IPO11: variants seen among roughly 807,000 people sequenced by gnomAD.
IPO11 encodes the protein importin 11.
Under a neutral mutation model 143.2 loss-of-function variants are expected in IPO11, and 66 were observed. That is an observed-to-expected ratio of 0.46 (90% CI 0.38 to 0.57). The LOEUF is 0.57. Ranked by LOEUF, IPO11 falls within the 20% of genes least tolerant of loss-of-function variation. The pLI, the probability that IPO11 is intolerant of heterozygous loss-of-function variation, is 0.00. For missense variants in IPO11, 1,026 were observed against 1,141.0 expected, an observed-to-expected ratio of 0.90 and a Z score of 1.45; for synonymous variants, 385 against 377.8, an observed-to-expected ratio of 1.02 and a Z score of -0.22.
intron 1 of IPO11, chr5:62,422,656 C>G (rs971165409): frequency 6.6e-6 from 1 of 152,164 alleles, no homozygotes; most frequent in African/African-American, 2.4e-5. Context: ...ATATACCAAA[C>G]AGGCAAGAGA....
intron 24 of IPO11, among the ~76,000 whole-genome samples, 184 bp downstream of exon 24, chr5:62,537,473 C>T (rs1162687110): frequency 6.6e-6 from 1 of 152,232 alleles, no homozygotes; most frequent in African/African-American, 2.4e-5. Flanking sequence ...AAGGTGCATA[C>T]ACCTTCAACA....
intron 27 of IPO11, among the ~76,000 whole-genome samples, chr5:62,573,595 T>TGG (rs1452864358): frequency 6.6e-6 from 1 of 152,230 alleles, no homozygotes; most frequent in Non-Finnish European, 1.5e-5. Context: ...GATGCTTCTT[T>TGG]GGCGGGTCAA....
chr5:62,425,513 T>C (rs1178863847), intron 1 of IPO11, among the ~76,000 whole-genome samples: 28 of 152,182 alleles, frequency 1.8e-4, no homozygotes, highest in African/African-American at 6.5e-4. Flanking sequence ...AGACAGGGTT[T>C]CACCATGTTG....
chr5:62,581,369 C>G, intron 27 of IPO11: 1 of 1,205,146 alleles, frequency 8.3e-7, no homozygotes, highest in Middle Eastern at 2.4e-4. Context: ...ACTGAAACCT[C>G]CTTATATAAT....
At chr5:62,608,810 T>C (rs564536321) in intron 29 of IPO11, among the ~76,000 whole-genome samples, 1 of 152,346 alleles carries the variant, frequency 6.6e-6, no homozygotes, top group South Asian at 2.1e-4. Flanking sequence ...ACTCTGGTAT[T>C]GTACATTCTA....
intron 26 of IPO11, among the ~76,000 whole-genome samples, chr5:62,558,278 A>G (rs1202638810): frequency 6.6e-6 from 1 of 152,226 alleles, no homozygotes; most frequent in Non-Finnish European, 1.5e-5. Context: ...AGTACAGTGA[A>G]GAAATTTTTA....
At chr5:62,480,086 G>C (rs945520091) in intron 9 of IPO11, among the ~76,000 whole-genome samples, 5 of 152,162 alleles carry the variant, frequency 3.3e-5, no homozygotes, top group Non-Finnish European at 5.9e-5. Context: ...TAACATTTAA[G>C]TCTTTAATCC....
chr5:62,466,899 A>G (rs1268848853), intron 5 of IPO11, among the ~76,000 whole-genome samples: 8 of 152,206 alleles, frequency 5.3e-5, no homozygotes, highest in African/African-American at 1.9e-4. Flanking sequence ...TTAAGAAACT[A>G]GTATTTTAGG....
At chr5:62,504,811 T>G (rs371185721) in intron 17 of IPO11, 47 bp from the exon 18 acceptor site, 340 of 1,400,514 alleles carry the variant, frequency 2.4e-4, no homozygotes, top group Non-Finnish European at 3.3e-4. Flanking sequence ...TACAGATTTA[T>G]TTTGATAAAA....
intron 3 of IPO11, chr5:62,443,379 TTGAGTGTGTGTG>T (rs1254240730): frequency 2.3e-5 from 5 of 221,138 alleles, no homozygotes; most frequent in African/African-American, 1.5e-4. Context: ...GGTTTTCCAT[TTGAGTGTGTGTG>T]TGTGTGTGTG....
intron 29 of IPO11, among the ~76,000 whole-genome samples, chr5:62,624,243 A>C (rs1247738705): frequency 6.6e-6 from 1 of 152,038 alleles, no homozygotes; most frequent in Non-Finnish European, 1.5e-5. Context: ...CATGTTGGTC[A>C]GGCTGGTCTC....
chr5:62,545,086 G>T (rs1426356410), intron 24 of IPO11, among the ~76,000 whole-genome samples: 3 of 151,972 alleles, frequency 2.0e-5, no homozygotes, highest in African/African-American at 7.3e-5. Context: ...TCACAGAATT[G>T]GAAAAAAACT....
At chr5:62,547,614 ACT>A (rs977527787) in intron 24 of IPO11, among the ~76,000 whole-genome samples, 19 of 151,668 alleles carry the variant, frequency 1.3e-4, no homozygotes, top group African/African-American at 3.6e-4. Flanking sequence ...GACCACAAAA[ACT>A]CTGTTTTATC....
intron 1 of IPO11, among the ~76,000 whole-genome samples, chr5:62,425,782 A>C (rs1217159855): frequency 6.6e-6 from 1 of 152,222 alleles, no homozygotes; most frequent in Non-Finnish European, 1.5e-5. Context: ...TATGTGATAC[A>C]AGTGTACACA....
intron 27 of IPO11, among the ~76,000 whole-genome samples, chr5:62,569,348 T>C (rs932548634): frequency 1.3e-5 from 2 of 152,218 alleles, no homozygotes; most frequent in African/African-American, 4.8e-5. Context: ...CTACGATCTC[T>C]CACTTGGTTT....
In IPO11 at chr5:62,489,337, A is replaced by T; in HGVS notation, c.1345A>T (p.Ile449Phe). Reference protein sequence around the residue: ...TNVEDMNALLIKDAVYNAVGL... With the variant: ...TNVEDMNALLFKDAVYNAVGL... ...TGTGGAAGATATGAATGCACTGTTA[A>T]TCAAAGATGCTGGTATGTTAAACTT... The change falls in exon 14 of 30, where the codon ATC becomes TTC. Residue 449 changes from isoleucine to phenylalanine, a missense_variant. This residue lies in a region of IPO11 where 237 missense variants were observed against 288.0 expected (regional missense o/e 0.82). Transcript: ENST00000325324. 6.4e-7 allele frequency: 1 copy of T among 1,563,872 alleles called. No homozygotes were observed. Among genetic ancestry groups the T allele is most frequent in the African/African-American group, 1.4e-5 (1 of 73,738 alleles).
chr5:62,428,691 G>C (rs1051961852), intron 1 of IPO11, among the ~76,000 whole-genome samples: 5 of 151,968 alleles, frequency 3.3e-5, no homozygotes, highest in Non-Finnish European at 7.4e-5. Flanking sequence ...TAGAGACAGG[G>C]TCTCACTTTG....
chr5:62,601,740 ATG>A, intron 28 of IPO11, 22 bp from the exon 29 acceptor site: 1 of 1,311,806 alleles, frequency 7.6e-7, no homozygotes, highest in Non-Finnish European at 1.0e-6. Flanking sequence ...TATTTAAAAC[ATG>A]TTTTTTAAAA....
chr5:62,425,492 AT>A (rs1743699669), intron 1 of IPO11, among the ~76,000 whole-genome samples: 3 of 151,838 alleles, frequency 2.0e-5, no homozygotes, highest in African/African-American at 7.3e-5. Flanking sequence ...TAATTTTTGC[AT>A]TTTTAGTAGA....
Sources: gnomAD v4.1 joint callset for allele counts (sites outside exome capture counted in the v4.1 genomes callset) on GRCh38, gnomAD v4.1.1 for gene constraint, gnomAD v4.1.1 regional missense constraint, MANE v1.5 for transcripts, NCBI Gene and HGNC (gene_info 2026-07-23, HGNC 2026-07-21) for gene names.